The following SPIDR variants were observed in gnomAD, a reference collection of about 807,000 sequenced individuals.
SPIDR encodes scaffold protein involved in DNA repair.
Under a neutral mutation model 104.6 loss-of-function variants are expected in SPIDR, and 93 were observed. The ratio of observed to expected loss-of-function variants is 0.89; its 90% confidence interval spans 0.75 to 1.06. The LOEUF (loss-of-function observed/expected upper bound fraction) is 1.06. SPIDR is among the 50% of genes least tolerant of loss of function. SPIDR has a pLI of 0.00. For synonymous variants in SPIDR, 431 were observed against 416.9 expected (o/e 1.03, Z -0.41); for missense variants, 1,154 against 1,111.2 (o/e 1.04, Z -0.55).
rs2080213683 is a variant in SPIDR at position 47,701,706 on chromosome 8, G to C, written c.1774-15G>C. On this transcript the variant is annotated splice_polypyrimidine_tract_variant and intron_variant, in intron 12 of 19. Transcript: ENST00000297423. Reference sequence around the variant, plus strand: ...AACAATACATTCACCTTCTACCTTTGTCTCATTTAAACAGATAAAAACTCA... The same window carrying C: ...AACAATACATTCACCTTCTACCTTTCTCTCATTTAAACAGATAAAAACTCA... 6.2e-7 allele frequency: 1 copy of C among 1,611,670 alleles called. No homozygotes were observed. The highest frequency in any genetic ancestry group is 1.3e-5 in the African/African-American group (1 of 74,840).
At chr8:47,369,744 T>C (rs1285075875) in intron 5 of SPIDR, among the ~76,000 whole-genome samples, 1 of 152,212 alleles carries the variant, frequency 6.6e-6, no homozygotes, top group Non-Finnish European at 1.5e-5. Flanking sequence ...GGACTTCTTT[T>C]CTAGAGATAT....
At chr8:47,535,449 A>G (rs1416155517) in intron 8 of SPIDR, among the ~76,000 whole-genome samples, 1 of 152,150 alleles carries the variant, frequency 6.6e-6, no homozygotes, top group Non-Finnish European at 1.5e-5. Flanking sequence ...CAAAGACATT[A>G]TAAGAAAGGG....
At chr8:47,380,416 A>C (rs2154299919) in intron 5 of SPIDR, among the ~76,000 whole-genome samples, 1 of 152,136 alleles carries the variant, frequency 6.6e-6, no homozygotes, top group South Asian at 2.1e-4. Context: ...ACCTCGGAGG[A>C]CCGTGTTGCT....
intron 5 of SPIDR, among the ~76,000 whole-genome samples, chr8:47,381,802 A>T (rs1554645578): frequency 6.6e-6 from 1 of 152,226 alleles, no homozygotes. Context: ...ACGCCTTTGC[A>T]TGTTGGCCAA....
chr8:47,269,036 T>A (rs2034689880), intron 1 of SPIDR, among the ~76,000 whole-genome samples: 1 of 151,990 alleles, frequency 6.6e-6, no homozygotes, highest in East Asian at 1.9e-4. Flanking sequence ...ATGTGGTGGC[T>A]CATGCCTGTG....
chr8:47,566,692 G>T (rs1379185334), intron 8 of SPIDR, among the ~76,000 whole-genome samples: 1 of 151,870 alleles, frequency 6.6e-6, no homozygotes. Flanking sequence ...TATAGTTTGA[G>T]CTCCTTTCAC....
At chr8:47,394,339 G>C (rs1554656004) in intron 5 of SPIDR, among the ~76,000 whole-genome samples, 1 of 152,136 alleles carries the variant, frequency 6.6e-6, no homozygotes, top group African/African-American at 2.4e-5. Context: ...ATCTGGGTCT[G>C]GCCTCCCCCA....
intron 7 of SPIDR, among the ~76,000 whole-genome samples, chr8:47,420,348 TGATC>T (rs2065203451): frequency 6.6e-6 from 1 of 152,202 alleles, no homozygotes; most frequent in East Asian, 1.9e-4. Flanking sequence ...CTTGTTGAAT[TGATC>T]CCTTTACCAT....
At chr8:47,726,698 G>T (rs1439661255) in intron 16 of SPIDR, among the ~76,000 whole-genome samples, 2 of 152,170 alleles carry the variant, frequency 1.3e-5, no homozygotes, top group Admixed American at 1.3e-4. Context: ...CACGTCTCAG[G>T]TGTCTTTTCC....
intron 9 of SPIDR, among the ~76,000 whole-genome samples, chr8:47,596,264 T>C (rs1195529298): frequency 2.0e-5 from 3 of 152,100 alleles, no homozygotes; most frequent in Non-Finnish European, 4.4e-5. Context: ...TAAAATAGAG[T>C]CATGCATCAC....
intron 8 of SPIDR, among the ~76,000 whole-genome samples, chr8:47,580,606 G>T (rs569554752): frequency 1.3e-5 from 2 of 152,146 alleles, no homozygotes; most frequent in Non-Finnish European, 2.9e-5. Flanking sequence ...ATCGTGTGCT[G>T]TGCATTAGAT....
intron 14 of SPIDR, 121 bp from the exon 15 acceptor site, chr8:47,712,541 T>C: frequency 8.7e-7 from 1 of 1,150,638 alleles, no homozygotes; most frequent in Non-Finnish European, 1.2e-6. Context: ...CTAGTGTATG[T>C]TTTAAAGTGT....
chr8:47,303,447 G>T (rs894307378), intron 5 of SPIDR, among the ~76,000 whole-genome samples: 7 of 152,122 alleles, frequency 4.6e-5, no homozygotes, highest in African/African-American at 1.7e-4. Context: ...ACTGCACCCA[G>T]TGTGCTGCAC....
rs73571450 is a variant in SPIDR, at chr8:47,698,121, C to T, written c.1686-2282C>T. On this transcript the variant is annotated intron_variant, in intron 11 of 19. Transcript: ENST00000297423. ...GCATAATGAATTAATCTGTATGTCC[C>T]TTTTTTCTCTAATTAAACTTTATAT... Among the ~76,000 whole-genome samples, 915 of 152,154 alleles carry T rather than the reference C, an allele frequency of 6.0e-3. 6 individuals carry two copies. Among genetic ancestry groups the T allele is most frequent in the African/African-American group, 0.021 (871 of 41,512 alleles).
intron 8 of SPIDR, among the ~76,000 whole-genome samples, chr8:47,591,710 C>T (rs189227386): frequency 2.6e-5 from 4 of 152,142 alleles, no homozygotes; most frequent in African/African-American, 9.6e-5. Context: ...TGGTTAGCTG[C>T]TTTTAACCAA....
intron 5 of SPIDR, among the ~76,000 whole-genome samples, chr8:47,324,610 C>T (rs982409519): frequency 1.3e-5 from 2 of 151,982 alleles, no homozygotes; most frequent in Non-Finnish European, 2.9e-5. Flanking sequence ...ATAATATTTC[C>T]AGTAGTATGG....
intron 8 of SPIDR, among the ~76,000 whole-genome samples, chr8:47,564,079 T>TC (rs1314206690): frequency 6.2e-5 from 8 of 128,410 alleles, no homozygotes; most frequent in African/African-American, 2.6e-4. Context: ...TTTCTTTTTT[T>TC]TTTTTTTTTT....
chr8:47,445,174 G>T (rs909153194), intron 8 of SPIDR, among the ~76,000 whole-genome samples: 6 of 152,100 alleles, frequency 3.9e-5, no homozygotes, highest in African/African-American at 7.2e-5. Context: ...CAAATTGAAG[G>T]TTTGTCAACC....
intron 1 of SPIDR, among the ~76,000 whole-genome samples, chr8:47,264,526 G>C (rs1265727118): frequency 6.6e-6 from 1 of 151,968 alleles, no homozygotes; most frequent in Non-Finnish European, 1.5e-5. Flanking sequence ...CCCTTAACAT[G>C]CTGTGATTCT....
Sources: gnomAD v4.1 joint callset for allele counts (sites outside exome capture counted in the v4.1 genomes callset) on GRCh38, gnomAD v4.1.1 for gene constraint, MANE v1.5 for transcripts, NCBI Gene and HGNC (gene_info 2026-07-23, HGNC 2026-07-21) for gene names.